Variants in CSMD2 observed in about 807,000 individuals in gnomAD.
CSMD2 encodes CUB and Sushi multiple domains 2.
In CSMD2, 130 loss-of-function variants were observed where a neutral mutation model predicts 398.5. The observed-to-expected ratio is 0.33, with a 90% CI of 0.28 to 0.38. The LOEUF is 0.38. CSMD2 is among the 10% of genes least tolerant of loss of function. CSMD2 has a pLI of 1.00. For missense variants in CSMD2, 3,829 were observed against 4,764.9 expected, an observed-to-expected ratio of 0.80 and a Z score of 5.78; for synonymous variants, 1,828 against 1,908.5, an observed-to-expected ratio of 0.96 and a Z score of 1.10.
At chr1:33,961,381 G>A (rs1165182411) in intron 3 of CSMD2, among the ~76,000 whole-genome samples, 1 of 152,252 alleles carries the variant, frequency 6.6e-6, no homozygotes, top group Admixed American at 6.5e-5. Context: ...ACTGGGACAG[G>A]AGTCTTCTGG....
intron 3 of CSMD2, among the ~76,000 whole-genome samples, chr1:33,941,197 C>T (rs1644660694): frequency 6.6e-6 from 1 of 152,178 alleles, no homozygotes; most frequent in Non-Finnish European, 1.5e-5. Context: ...GTCTCTTCTA[C>T]AAAGCCCGAC....
rs1335857138 is a variant in CSMD2, at chr1:33,518,960, AT to A, written c.*53+504del. 6.6e-6 allele frequency among the ~76,000 whole-genome samples: 1 copy of A among 152,184 alleles called. No individual in the cohort carries two copies. The highest frequency in any genetic ancestry group is 6.5e-5 in the Admixed American group (1 of 15,284). ...GCGTTTATAGTGTATGAATGTATAT[AT>A]ATACACAATATACCTATATACACAG... On this transcript the variant is annotated intron_variant, in intron 70 of 70. Transcript: ENST00000373381. This position sits in a 1 kb window ranked among gnomAD's most constrained non-coding sequence, Gnocchi z 4.3.
At chr1:33,887,596 C>A (rs1477254833) in intron 5 of CSMD2, among the ~76,000 whole-genome samples, 2 of 152,082 alleles carry the variant, frequency 1.3e-5, no homozygotes, top group Non-Finnish European at 2.9e-5. Context: ...CACATAATTT[C>A]TTAATGTTAT....
At chr1:34,080,942 G>GAAAT (rs1657007885) in intron 2 of CSMD2, among the ~76,000 whole-genome samples, 1 of 60,594 alleles carries the variant, frequency 1.7e-5, no homozygotes, top group Non-Finnish European at 3.2e-5. Flanking sequence ...AAGAAAGAAA[G>GAAAT]AAAGAAAGAA....
chr1:33,702,025 T>C (rs887173962), intron 22 of CSMD2, among the ~76,000 whole-genome samples: 2 of 152,184 alleles, frequency 1.3e-5, no homozygotes, highest in Non-Finnish European at 2.9e-5. Context: ...CTGGATCCAA[T>C]TTCCAACTTA....
At chr1:33,708,494 CAT>C (rs1304414872) in intron 22 of CSMD2, among the ~76,000 whole-genome samples, 2 of 152,112 alleles carry the variant, frequency 1.3e-5, no homozygotes, top group Non-Finnish European at 2.9e-5. Flanking sequence ...TGAACACACA[CAT>C]GCATATATAT....
intron 2 of CSMD2, among the ~76,000 whole-genome samples, chr1:34,036,781 A>T (rs1651182281): frequency 6.6e-6 from 1 of 152,234 alleles, no homozygotes; most frequent in South Asian, 2.1e-4. Context: ...TTTCAAAATA[A>T]AAAGTTTCAT....
intron 15 of CSMD2, among the ~76,000 whole-genome samples, chr1:33,730,823 T>C (rs1009059484): frequency 2.0e-5 from 3 of 152,184 alleles, no homozygotes; most frequent in African/African-American, 7.2e-5. Context: ...TGTTTTTACA[T>C]TGGAAATGAA....
intron 7 of CSMD2, among the ~76,000 whole-genome samples, chr1:33,824,516 G>A (rs1658555827): frequency 1.3e-5 from 2 of 152,140 alleles, no homozygotes; most frequent in South Asian, 2.1e-4. Context: ...CGGTTCAGTC[G>A]GAGCCTGAGA....
intron 52 of CSMD2, 150 bp downstream of exon 52, chr1:33,569,224 T>C: frequency 1.3e-6 from 1 of 782,980 alleles, no homozygotes; most frequent in Non-Finnish European, 1.9e-6. Flanking sequence ...GTTTTAGTCA[T>C]GCCTGATGGC....
chr1:34,136,654 A>C (rs1344279896), intron 1 of CSMD2, among the ~76,000 whole-genome samples: 3 of 152,118 alleles, frequency 2.0e-5, no homozygotes, highest in Non-Finnish European at 2.9e-5. Context: ...GCCTTTAATA[A>C]AATTATCCAG....
At chr1:34,156,105 G>A (rs1193022611) in intron 1 of CSMD2, among the ~76,000 whole-genome samples, 1 of 152,186 alleles carries the variant, frequency 6.6e-6, no homozygotes, top group Admixed American at 6.5e-5. Flanking sequence ...GGCAGGAGGG[G>A]ATGCCAACAT....
chr1:33,833,679 G>A (rs1659883462), intron 6 of CSMD2, among the ~76,000 whole-genome samples: 1 of 150,890 alleles, frequency 6.6e-6, no homozygotes, highest in African/African-American at 2.4e-5. Context: ...AGGAAATAAA[G>A]GGTATTCAAT....
intron 3 of CSMD2, among the ~76,000 whole-genome samples, chr1:33,946,876 C>T (rs1320461965): frequency 6.6e-6 from 1 of 151,902 alleles, no homozygotes; most frequent in East Asian, 1.9e-4. Flanking sequence ...CTCAAGTGAT[C>T]CACCTGCCTT....
At position 33,636,219 on chromosome 1, in the gene CSMD2, C is replaced by T; in HGVS notation, c.4969+141G>A. 1 of 720,454 alleles carries T rather than the reference C, an allele frequency of 1.4e-6. No homozygotes were observed. Among genetic ancestry groups the T allele is most frequent in the Non-Finnish European group, 2.3e-6 (1 of 439,016 alleles). The allele number at this position is 720,454 out of a possible 1,614,324, so 44.6% of individuals were successfully genotyped here. A position where few individuals can be genotyped will look rare whatever the true frequency, so the allele number is the denominator to read the frequency against. ...AATTATAAGCCACTTCTATACACAT[C>T]CACGGCAAACCCAGGTTTGCCAGGC... On this transcript the variant is annotated intron_variant, in intron 30 of 70. Coordinates refer to ENST00000373381, the MANE Select transcript of CSMD2 (RefSeq NM_001281956.2). This position sits in a 1 kb window ranked among gnomAD's most constrained non-coding sequence, Gnocchi z 4.8.
intron 3 of CSMD2, among the ~76,000 whole-genome samples, chr1:34,009,170 C>T (rs1647162934): frequency 6.6e-6 from 1 of 152,096 alleles, no homozygotes; most frequent in Non-Finnish European, 1.5e-5. Flanking sequence ...CCAGCAAGCT[C>T]CATTGGTTTT....
intron 13 of CSMD2, among the ~76,000 whole-genome samples, chr1:33,758,263 A>G (rs895186025): frequency 7.9e-5 from 12 of 151,976 alleles, no homozygotes; most frequent in Non-Finnish European, 1.6e-4. Context: ...CTCCTCCCCC[A>G]CTTACCCTTC....
intron 5 of CSMD2, among the ~76,000 whole-genome samples, chr1:33,908,998 GCAAAGGCGTCACAAGC>G (rs1643289744): frequency 6.6e-6 from 1 of 152,210 alleles, no homozygotes; most frequent in Admixed American, 6.5e-5. Flanking sequence ...GGAGAGAGAA[GCAAAGGCGTCACAAGC>G]CCACAGGAAG....
At chr1:33,630,158 C>T (rs993778696) in intron 32 of CSMD2, among the ~76,000 whole-genome samples, 6 of 151,882 alleles carry the variant, frequency 4.0e-5, no homozygotes, top group African/African-American at 1.5e-4. Context: ...TCCATATTTA[C>T]ATCTATAGGT....
Sources: allele counts gnomAD v4.1 joint callset (sites outside exome capture counted in the v4.1 genomes callset), GRCh38; gene constraint gnomAD v4.1.1; non-coding constraint Gnocchi (gnomAD v3.1); transcripts MANE v1.5; gene names NCBI Gene and HGNC (gene_info 2026-07-23, HGNC 2026-07-21).